The following SPTLC1 variants were observed in gnomAD, a reference collection of about 807,000 sequenced individuals.
The protein encoded by SPTLC1 is serine palmitoyltransferase 1.
A neutral mutation model predicts 68.9 loss-of-function variants in SPTLC1; 55 were observed. The observed-to-expected ratio is 0.80, with a 90% CI of 0.64 to 1.00. The LOEUF (loss-of-function observed/expected upper bound fraction) is 1.00, where lower values mean the gene tolerates loss of function less well. Among genes scored for constraint, SPTLC1 ranks in the 50% least tolerant of loss-of-function variants. SPTLC1 has a pLI of 0.00. For missense variants in SPTLC1, 449 were observed against 573.1 expected (o/e 0.78, Z 2.21); for synonymous variants, 197 against 201.6 (o/e 0.98, Z 0.19).
At chr9:92,099,221 C>T (rs975662736) in intron 3 of SPTLC1, among the ~76,000 whole-genome samples, 2 of 152,156 alleles carry the variant, frequency 1.3e-5, no homozygotes, top group South Asian at 2.1e-4. Context: ...ACCCAGGGAT[C>T]GGCACCACAG....
intron 5 of SPTLC1, chr9:92,079,664 G>T: frequency 9.0e-7 from 1 of 1,113,932 alleles, no homozygotes; most frequent in Non-Finnish European, 1.4e-6. Context: ...AGCCCCCTGC[G>T]TGGCTAGTCA....
At chr9:92,057,331 C>T (rs533220774) in intron 7 of SPTLC1, among the ~76,000 whole-genome samples, 5 of 152,120 alleles carry the variant, frequency 3.3e-5, no homozygotes, top group Non-Finnish European at 5.9e-5. Flanking sequence ...CATCATTTCT[C>T]GTAAGTTTTT....
At chr9:92,093,659 A>G (rs989417283) in intron 3 of SPTLC1, among the ~76,000 whole-genome samples, 4 of 152,268 alleles carry the variant, frequency 2.6e-5, no homozygotes, top group Non-Finnish European at 2.9e-5. Flanking sequence ...TACGATGGTC[A>G]GCTGAAGGGA....
chr9:92,039,536 A>G (rs961715889), intron 12 of SPTLC1, among the ~76,000 whole-genome samples: 1 of 152,170 alleles, frequency 6.6e-6, no homozygotes, highest in Non-Finnish European at 1.5e-5. Context: ...ATTTTATCCT[A>G]TAACAACAAA....
At chr9:92,086,530 G>C (rs1449874492) in intron 3 of SPTLC1, among the ~76,000 whole-genome samples, 1 of 152,158 alleles carries the variant, frequency 6.6e-6, no homozygotes, top group Non-Finnish European at 1.5e-5. Context: ...ATGAAATTCT[G>C]GGTTGAAAAT....
At chr9:92,042,257 T>C (rs146874054) in intron 12 of SPTLC1, among the ~76,000 whole-genome samples, 63 of 152,208 alleles carry the variant, frequency 4.1e-4, no homozygotes, top group Middle Eastern at 3.4e-3. Context: ...CAATACAAAT[T>C]AGGGACTCAG....
intron 3 of SPTLC1, among the ~76,000 whole-genome samples, chr9:92,093,439 G>GT (rs1194035539): frequency 3.3e-5 from 5 of 152,056 alleles, no homozygotes. Context: ...CAGTAAAACT[G>GT]TAAGTCCAAA....
chr9:92,081,608 T>C (rs534605114), intron 3 of SPTLC1, among the ~76,000 whole-genome samples: 4 of 152,202 alleles, frequency 2.6e-5, no homozygotes, highest in African/African-American at 7.2e-5. Context: ...CTGATCTATA[T>C]TCGAGCCATG....
chr9:92,072,054 C>T (rs893028738), intron 5 of SPTLC1, among the ~76,000 whole-genome samples: 7 of 152,228 alleles, frequency 4.6e-5, no homozygotes, highest in Admixed American at 3.3e-4. Flanking sequence ...AGCTCACTTG[C>T]ACGCGAGTGA....
intron 3 of SPTLC1, among the ~76,000 whole-genome samples, chr9:92,082,543 T>C (rs996693792): frequency 4.0e-5 from 6 of 151,398 alleles, no homozygotes; most frequent in Non-Finnish European, 8.8e-5. Flanking sequence ...TCCAATTTCA[T>C]CCATGTCCCT....
chr9:92,044,827 G>A (rs979245189), intron 12 of SPTLC1, among the ~76,000 whole-genome samples: 1 of 152,288 alleles, frequency 6.6e-6, no homozygotes, highest in South Asian at 2.1e-4. Context: ...CATAAGGCCA[G>A]GCTGTTAGCT....
chr9:92,047,338 G>T, intron 10 of SPTLC1, 70 bp from the exon 11 acceptor site: 1 of 1,309,476 alleles, frequency 7.6e-7, no homozygotes, highest in Non-Finnish European at 1.1e-6. Context: ...AAAGGCACCA[G>T]TTCTCTAGAA....
At chr9:92,104,608 A>G (rs375226881) in intron 3 of SPTLC1, 2 of 1,476,766 alleles carry the variant, frequency 1.4e-6, no homozygotes, top group African/African-American at 1.4e-5. Flanking sequence ...AACTTCCTTC[A>G]TTAGATGAGC....
intron 8 of SPTLC1, among the ~76,000 whole-genome samples, chr9:92,052,652 C>A (rs957334563): frequency 4.6e-5 from 7 of 151,864 alleles, no homozygotes; most frequent in African/African-American, 1.7e-4. Context: ...GCCTCAGCCT[C>A]CCGAGTAGCT....
rs763822214 is a variant in SPTLC1 at position 92,059,293 on chromosome 9, G to C, written c.576C>G (p.Cys192Trp). The C allele has an allele frequency of 6.2e-7, 1 of 1,614,030 alleles. No individual in the cohort carries two copies. The highest frequency in any genetic ancestry group is 1.7e-5 in the Admixed American group (1 of 60,022). Residue 192 changes from cysteine (C) to tryptophan (W), a missense_variant, in exon 7 of 15, where the codon TGC becomes TGG. This residue lies in a region of SPTLC1 where 391 missense variants were observed against 472.1 expected (regional missense o/e 0.83). Coordinates refer to ENST00000262554, the MANE Select transcript of SPTLC1 (RefSeq NM_006415.4). ...GDIVFVDRAA[C>W]FAIQKGLQAS... Reference sequence around the variant, plus strand: ...CCTGTAATCCTTTCTGAATAGCAAAGCAGGCAGCTCTATCTCTGCAAGGAA... The same window carrying C: ...CCTGTAATCCTTTCTGAATAGCAAACCAGGCAGCTCTATCTCTGCAAGGAA...
At chr9:92,068,788 T>C (rs7019501) in intron 5 of SPTLC1, among the ~76,000 whole-genome samples, 206 of 152,356 alleles carry the variant, frequency 1.4e-3, no homozygotes, top group African/African-American at 4.7e-3. Context: ...TACAGCCTTT[T>C]ACCTCTCAGA....
intron 3 of SPTLC1, among the ~76,000 whole-genome samples, chr9:92,102,636 A>G (rs1335157249): frequency 6.6e-6 from 1 of 152,206 alleles, no homozygotes; most frequent in African/African-American, 2.4e-5. Context: ...TGTAAGCTCC[A>G]GAGTAACCAG....
chr9:92,049,917 T>C (rs1462895826), intron 9 of SPTLC1, 43 bp downstream of exon 9: 1 of 1,220,244 alleles, frequency 8.2e-7, no homozygotes, highest in East Asian at 2.3e-5. Context: ...GAACTACATG[T>C]CTCCTATAAG....
chr9:92,098,664 A>G (rs1275497101), intron 3 of SPTLC1, among the ~76,000 whole-genome samples: 1 of 152,080 alleles, frequency 6.6e-6, no homozygotes, highest in Admixed American at 6.5e-5. Context: ...GTACAGTGCA[A>G]AAGGGTAAAA....
Sources: allele counts gnomAD v4.1 joint callset (sites outside exome capture counted in the v4.1 genomes callset), GRCh38; gene constraint gnomAD v4.1.1; regional missense constraint gnomAD v4.1.1; transcripts MANE v1.5; gene names NCBI Gene and HGNC (gene_info 2026-07-23, HGNC 2026-07-21).